Variants in PEAR1 observed in about 807,000 individuals in gnomAD.
The protein encoded by PEAR1 is platelet endothelial aggregation receptor 1.
Under a neutral mutation model 131.2 loss-of-function variants are expected in PEAR1, and 113 were observed. The ratio of observed to expected loss-of-function variants is 0.86; its 90% CI spans 0.74 to 1.01. PEAR1 has a LOEUF of 1.01. Among genes scored for constraint, PEAR1 ranks in the 50% least tolerant of loss-of-function variants. PEAR1 has a pLI of 0.00. For synonymous variants in PEAR1, 565 were observed against 523.3 expected, an observed-to-expected ratio of 1.08 and a Z score of -1.09; for missense variants, 1,408 against 1,391.1, an observed-to-expected ratio of 1.01 and a Z score of -0.19.
At chr1:156,896,026 G>A (rs1649126042) in intron 1 of PEAR1, among the ~76,000 whole-genome samples, 1 of 152,144 alleles carries the variant, frequency 6.6e-6, no homozygotes, top group African/African-American at 2.4e-5. Context: ...AGGCTGCAGT[G>A]AGCCATGATC....
chr1:156,912,332 C>T lies in PEAR1; in HGVS notation c.2037C>T (p.Ser679=). The change falls in exon 16 of 23, where the codon AGC becomes AGT. Residue 679 remains serine, a synonymous_variant. Coordinates refer to ENST00000292357, the MANE Select transcript of PEAR1 (RefSeq NM_001080471.3). The part of the protein sequence containing the change: ...HGGTCHPQDG[S]CICPLGWTGH... ...GGACCTGCCATCCCCAGGATGGGAG[C>T]TGTATCTGCCCCCTAGGCTGGACTG... is the stretch of plus-strand genomic sequence containing the variant. The T allele has an allele frequency of 1.2e-6, 2 of 1,614,040 alleles. No homozygotes were observed. The highest frequency in any genetic ancestry group is 1.7e-6 in the Non-Finnish European group (2 of 1,179,978).
At chr1:156,913,548 C>G (rs776856522) in intron 20 of PEAR1, 25 bp downstream of exon 20, 9 of 1,610,298 alleles carry the variant, frequency 5.6e-6, no homozygotes, top group South Asian at 1.1e-5. Context: ...GCCAGGGTCT[C>G]TGGCGCGGGT....
rs1054029155 is a variant in PEAR1, at chr1:156,907,992, C to T, written c.843C>T (p.Gly281=). The change falls in exon 8 of 23, where the codon GGC becomes GGT. Residue 281 remains glycine (G), a synonymous_variant. Coordinates refer to ENST00000292357, the MANE Select transcript of PEAR1 (RefSeq NM_001080471.3). ...NCSQECRCHN[G]GLCDRFTGQC... is the part of the protein sequence containing the mutation. ...CCCAGGAATGTCGCTGCCACAACGG[C>T]GGCCTCTGTGACCGATTCACTGGGC... 3 of 1,560,368 alleles carry T rather than the reference C, an allele frequency of 1.9e-6. No homozygotes were observed. Among genetic ancestry groups the T allele is most frequent in the African/African-American group, 2.7e-5 (2 of 73,226 alleles).
intron 15 of PEAR1, 59 bp from the exon 16 acceptor site, chr1:156,912,188 A>C: frequency 1.9e-6 from 3 of 1,552,950 alleles, no homozygotes; most frequent in Non-Finnish European, 2.6e-6. Flanking sequence ...CTGGGGGCTG[A>C]GAGTTCATCC....
intron 20 of PEAR1, 81 bp from the exon 21 acceptor site, chr1:156,913,611 G>A: frequency 1.3e-6 from 2 of 1,597,378 alleles, no homozygotes; most frequent in South Asian, 1.1e-5. Context: ...GGAGACGGGG[G>A]CTCTGGGCCC....
chr1:156,910,885 C>A, intron 15 of PEAR1, 142 bp downstream of exon 15: 1 of 1,247,492 alleles, frequency 8.0e-7, no homozygotes, highest in Non-Finnish European at 1.1e-6. Context: ...CACCTACATG[C>A]TGGGTACTGT....
intron 1 of PEAR1, among the ~76,000 whole-genome samples, chr1:156,897,448 C>T (rs1365235704): frequency 5.9e-5 from 9 of 152,208 alleles, no homozygotes; most frequent in African/African-American, 1.9e-4. Flanking sequence ...TGGAGTACGT[C>T]GGGGGCTGTG....
At chr1:156,899,107 C>A (rs1649436194) in intron 1 of PEAR1, among the ~76,000 whole-genome samples, 1 of 152,182 alleles carries the variant, frequency 6.6e-6, no homozygotes, top group Non-Finnish European at 1.5e-5. Flanking sequence ...CAGTTCCAAC[C>A]TTTGCAGGGC....
rs1651762269 is a variant in PEAR1 at position 156,915,286 on chromosome 1, T to G, written c.*488T>G. On this transcript the variant is annotated 3_prime_UTR_variant, in exon 23 of 23. Coordinates refer to ENST00000292357, the MANE Select transcript of PEAR1 (RefSeq NM_001080471.3). ...TCCATTGATTCAGTGAACCTTCCAA[T>G]GCATGGCTCATAATTTCAAAATACA... 6.5e-6 allele frequency: 1 copy of G among 152,912 alleles called. No individual in the cohort carries two copies. Among genetic ancestry groups the G allele is most frequent in the East Asian group, 1.9e-4 (1 of 5,202 alleles). The allele number at this position is 152,912 out of a possible 1,614,324, so 9.5% of individuals were successfully genotyped here. A position where few individuals can be genotyped will look rare whatever the true frequency, so the allele number is the denominator to read the frequency against.
chr1:156,914,975 G>A lies in PEAR1; in HGVS notation c.*177G>A, dbSNP rs1486580415. On this transcript the variant is annotated 3_prime_UTR_variant, in exon 23 of 23. Transcript: ENST00000292357. ...GTTCCTGGGTTCTACCATGGGAGACGCTGATCAGCAGGATGCCTGGCTCCC... is the reference window on the plus strand; with the variant it reads ...GTTCCTGGGTTCTACCATGGGAGACACTGATCAGCAGGATGCCTGGCTCCC... 23 of 680,616 alleles carry A rather than the reference G, an allele frequency of 3.4e-5. No homozygotes were observed. Among genetic ancestry groups the A allele is most frequent in the Admixed American group, 2.9e-4 (8 of 27,292 alleles). 42.2% of individuals were successfully genotyped at this position (680,616 alleles called of 1,614,324 possible). A position where few individuals can be genotyped will look rare whatever the true frequency, so the allele number is the denominator to read the frequency against.
chr1:156,911,021 T>C (rs1157222883), intron 15 of PEAR1, among the ~76,000 whole-genome samples: 1 of 149,602 alleles, frequency 6.7e-6, no homozygotes, highest in Non-Finnish European at 1.5e-5. Flanking sequence ...GCTTGGGACA[T>C]TTTCTCTTGA....
intron 15 of PEAR1, among the ~76,000 whole-genome samples, chr1:156,911,080 T>C (rs1558143739): frequency 1.4e-5 from 2 of 138,134 alleles, no homozygotes; most frequent in African/African-American, 6.0e-5. Flanking sequence ...TTTCTTTCTT[T>C]CTTTCTTTCT....
chr1:156,911,195 CTTTCT>C (rs1342191136), intron 15 of PEAR1, among the ~76,000 whole-genome samples: 4 of 103,982 alleles, frequency 3.8e-5, no homozygotes, highest in African/African-American at 7.9e-5. Flanking sequence ...TTCTTTCTTT[CTTTCT>C]TTTCTTTCTT....
chr1:156,913,391 G>C lies in PEAR1; in HGVS notation c.2512G>C (p.Val838Leu). ...TCCCTCCTGCACTGTCCCCTCTTAG[G>C]TTCCAGGCCCGCTCTTTGCCAGCCT... ...CSPNPPPPNK[V>L]PGPLFASLQN... The change falls in exon 20 of 23, where the codon GTT (valine) becomes CTT (leucine). Residue 838 changes from valine (V) to leucine (L), a missense_variant and splice_region_variant. Val to Leu is a conservative substitution (Grantham distance 32). Coordinates refer to ENST00000292357, the MANE Select transcript of PEAR1 (RefSeq NM_001080471.3). The C allele has an allele frequency of 6.2e-7, 1 of 1,613,576 alleles. No homozygotes were observed. The highest frequency in any genetic ancestry group is 8.5e-7 in the Non-Finnish European group (1 of 1,179,832).
intron 1 of PEAR1, among the ~76,000 whole-genome samples, chr1:156,901,698 G>C (rs1214064286): frequency 6.6e-6 from 1 of 152,224 alleles, no homozygotes; most frequent in Non-Finnish European, 1.5e-5. Flanking sequence ...GGTCAGGGAA[G>C]AGGGGAGTGT....
chr1:156,910,461 C>A, intron 14 of PEAR1, 81 bp downstream of exon 14: 1 of 1,540,584 alleles, frequency 6.5e-7, no homozygotes, highest in Non-Finnish European at 8.8e-7. Flanking sequence ...CCTCCCCCCG[C>A]GCCCGCCGCC....
intron 18 of PEAR1, 36 bp from the exon 19 acceptor site, chr1:156,913,158 C>T (rs61813832): frequency 0.038 from 60,892 of 1,600,700 alleles, 1,536 homozygotes; most frequent in South Asian, 0.095. Flanking sequence ...TCCTGCCCAT[C>T]GCTGAGCTCA....
At chr1:156,895,350 A>G (rs1369129733) in intron 1 of PEAR1, among the ~76,000 whole-genome samples, 1 of 152,190 alleles carries the variant, frequency 6.6e-6, no homozygotes, top group African/African-American at 2.4e-5. Flanking sequence ...ACTGCTGGGG[A>G]GGAGGCTGAG....
Position 156,910,294 on chromosome 1 carries a change from G to C in PEAR1, c.1739G>C (p.Cys580Ser), listed in dbSNP as rs779907483. Residue 580 changes from cysteine to serine, a missense_variant, in exon 14 of 23, where the codon TGC becomes TCC. By Grantham distance (112) the Cys-to-Ser change is moderately radical. Coordinates refer to ENST00000292357, the MANE Select transcript of PEAR1 (RefSeq NM_001080471.3). ...TGGGGAGTCAACTGTAGCAACACCT[G>C]CACCTGCAAGAATGGGGGCACCTGT... is the stretch of plus-strand genomic sequence containing the variant. ...GLWGVNCSNT[C>S]TCKNGGTCLP... is the part of the protein sequence containing the mutation. 3 of 1,613,642 alleles carry C rather than the reference G, an allele frequency of 1.9e-6. No individual in the cohort carries two copies. The highest frequency in any genetic ancestry group is 2.5e-6 in the Non-Finnish European group (3 of 1,179,786).
Sources: gnomAD v4.1 joint callset for allele counts (sites outside exome capture counted in the v4.1 genomes callset) on GRCh38, gnomAD v4.1.1 for gene constraint, MANE v1.5 for transcripts, NCBI Gene and HGNC (gene_info 2026-07-23, HGNC 2026-07-21) for gene names.